Variants in PTPRM observed in about 807,000 individuals in gnomAD.
PTPRM encodes receptor-type tyrosine-protein phosphatase mu.
In PTPRM, 47 loss-of-function variants were observed where a neutral mutation model predicts 186.7. The observed-to-expected ratio is 0.25, with a 90% CI of 0.20 to 0.32. The LOEUF (loss-of-function observed/expected upper bound fraction) is 0.32, where lower values mean the gene tolerates loss of function less well. Ranked by LOEUF, PTPRM falls within the 10% of genes least tolerant of loss-of-function variation. The pLI, the probability that PTPRM is intolerant of heterozygous loss-of-function variation, is 1.00. For synonymous variants in PTPRM, 668 were observed against 674.9 expected, an observed-to-expected ratio of 0.99 and a Z score of 0.16; for missense variants, 1,494 against 1,865.0, an observed-to-expected ratio of 0.80 and a Z score of 3.66.
intron 1 of PTPRM, among the ~76,000 whole-genome samples, chr18:7,602,484 G>A (rs1444380243): frequency 2.0e-5 from 3 of 151,054 alleles, no homozygotes; most frequent in South Asian, 2.1e-4. Flanking sequence ...CTGGAGTGCA[G>A]TGGTGTCTTC....
chr18:7,798,074 G>C (rs1271434862), intron 2 of PTPRM, among the ~76,000 whole-genome samples: 1 of 152,112 alleles, frequency 6.6e-6, no homozygotes, highest in African/African-American at 2.4e-5. Context: ...TAGGGTTAGA[G>C]GTCTCCCACT....
intron 7 of PTPRM, among the ~76,000 whole-genome samples, chr18:8,009,458 C>T (rs1052443888): frequency 1.3e-5 from 2 of 152,090 alleles, no homozygotes; most frequent in African/African-American, 4.8e-5. Flanking sequence ...GCCTGTAATC[C>T]CAGCACTTTG....
At chr18:7,591,773 G>T (rs1252385043) in intron 1 of PTPRM, among the ~76,000 whole-genome samples, 1 of 152,148 alleles carries the variant, frequency 6.6e-6, no homozygotes, top group Admixed American at 6.6e-5. Flanking sequence ...TTTTGAAAAC[G>T]AAAGATAATA....
At chr18:8,145,202 A>G (rs184486305) in intron 14 of PTPRM, among the ~76,000 whole-genome samples, 30 of 152,356 alleles carry the variant, frequency 2.0e-4, no homozygotes, top group African/African-American at 6.7e-4. Flanking sequence ...AGAAAGACTT[A>G]GAATAGTTCC....
At chr18:7,673,721 T>TA (rs2039270850) in intron 1 of PTPRM, among the ~76,000 whole-genome samples, 2 of 152,236 alleles carry the variant, frequency 1.3e-5, no homozygotes, top group South Asian at 2.1e-4. Flanking sequence ...GCCTTGCTTA[T>TA]AAAAAAAGAA....
intron 1 of PTPRM, among the ~76,000 whole-genome samples, chr18:7,710,833 G>A (rs2040196876): frequency 6.6e-6 from 1 of 151,932 alleles, no homozygotes; most frequent in Non-Finnish European, 1.5e-5. Flanking sequence ...AAAATACATA[G>A]GACTAAACAA....
intron 4 of PTPRM, among the ~76,000 whole-genome samples, chr18:7,921,272 T>C (rs1474137931): frequency 6.6e-6 from 1 of 152,148 alleles, no homozygotes; most frequent in African/African-American, 2.4e-5. Context: ...TTTTTCCTTT[T>C]CATTTTTTTC....
Position 8,390,139 on chromosome 18 carries a change from G to A in PTPRM, c.4208+2904G>A, listed in dbSNP as rs572337769. Among the ~76,000 whole-genome samples, 6 of 152,332 alleles carry A rather than the reference G, an allele frequency of 3.9e-5. No individual in the cohort carries two copies. The South Asian group carries it at 1.0e-3, about 26-fold the overall frequency. ...AAAACAGCTAATCTTCTAATTAGCAGAAGAGACAGTCCAGGGACAGATCCG... is the reference window on the plus strand; with the variant it reads ...AAAACAGCTAATCTTCTAATTAGCAAAAGAGACAGTCCAGGGACAGATCCG... On this transcript the variant is annotated intron_variant, in intron 31 of 32. Coordinates refer to ENST00000580170, the MANE Select transcript of PTPRM (RefSeq NM_001105244.2).
At chr18:8,076,313 T>C in intron 8 of PTPRM, 142 bp from the exon 9 acceptor site, 1 of 596,902 alleles carries the variant, frequency 1.7e-6, no homozygotes, top group Non-Finnish European at 3.0e-6. Flanking sequence ...TGTTTAAGAT[T>C]CCAGATTTTT....
At chr18:8,162,925 C>T (rs966282301) in intron 14 of PTPRM, among the ~76,000 whole-genome samples, 3 of 152,200 alleles carry the variant, frequency 2.0e-5, no homozygotes, top group Admixed American at 2.0e-4. Flanking sequence ...TAAAAATGCT[C>T]TGCTGCTTCT....
intron 14 of PTPRM, among the ~76,000 whole-genome samples, chr18:8,145,876 T>C (rs1163651415): frequency 1.3e-5 from 2 of 152,226 alleles, no homozygotes; most frequent in East Asian, 3.9e-4. Flanking sequence ...TCAAATGGTA[T>C]TTGTAGTTCT....
chr18:8,019,305 T>TG (rs1165826641), intron 7 of PTPRM, among the ~76,000 whole-genome samples: 1 of 152,218 alleles, frequency 6.6e-6, no homozygotes, highest in Admixed American at 6.5e-5. Flanking sequence ...ATACATTACT[T>TG]GGACTCATAA....
At chr18:8,233,366 A>G (rs960023672) in intron 14 of PTPRM, among the ~76,000 whole-genome samples, 5 of 152,224 alleles carry the variant, frequency 3.3e-5, no homozygotes, top group African/African-American at 7.2e-5. Context: ...GCCTTATAAC[A>G]GATGTGTGGT....
At chr18:8,069,568 A>C in intron 7 of PTPRM, 118 bp from the exon 8 acceptor site, 1 of 877,934 alleles carries the variant, frequency 1.1e-6, no homozygotes. Flanking sequence ...TTTATTATCC[A>C]GGAAGAAGAG....
At chr18:8,050,831 G>A (rs2087440833) in intron 7 of PTPRM, among the ~76,000 whole-genome samples, 1 of 152,102 alleles carries the variant, frequency 6.6e-6, no homozygotes, top group Non-Finnish European at 1.5e-5. Flanking sequence ...ATGGTAACCT[G>A]CCTGACTGCT....
At chr18:7,798,420 T>C (rs547411083) in intron 2 of PTPRM, among the ~76,000 whole-genome samples, 1 of 151,912 alleles carries the variant, frequency 6.6e-6, no homozygotes, top group Non-Finnish European at 1.5e-5. Context: ...TTCCAGCTAC[T>C]CAGGAGGCTG....
intron 11 of PTPRM, among the ~76,000 whole-genome samples, chr18:8,096,374 C>T (rs2091017161): frequency 6.6e-6 from 1 of 152,192 alleles, no homozygotes; most frequent in Non-Finnish European, 1.5e-5. Flanking sequence ...CAGTGGAGGC[C>T]ACACCTTGCA....
chr18:8,172,617 G>T (rs1004548968), intron 14 of PTPRM, among the ~76,000 whole-genome samples: 1 of 151,898 alleles, frequency 6.6e-6, no homozygotes, highest in Admixed American at 6.6e-5. Flanking sequence ...CTGCTCCAGA[G>T]GGGTGGGCCA....
chr18:8,056,455 C>T (rs926393294), intron 7 of PTPRM, among the ~76,000 whole-genome samples: 5 of 151,944 alleles, frequency 3.3e-5, no homozygotes, highest in African/African-American at 4.8e-5. Flanking sequence ...GGTGAAACTC[C>T]GACTCTAAAC....
Sources: gnomAD v4.1 joint callset for allele counts (sites outside exome capture counted in the v4.1 genomes callset) on GRCh38, gnomAD v4.1.1 for gene constraint, MANE v1.5 for transcripts, NCBI Gene and HGNC (gene_info 2026-07-23, HGNC 2026-07-21) for gene names.